SLC39A11: variants seen among roughly 807,000 people sequenced by gnomAD.
SLC39A11 encodes the protein zinc transporter ZIP11.
SLC39A11 carries 33 observed loss-of-function variants against 36.1 expected under a neutral mutation model. That is an observed-to-expected ratio of 0.91 (90% CI 0.69 to 1.22). The LOEUF (loss-of-function observed/expected upper bound fraction) is 1.22, where lower values mean the gene tolerates loss of function less well. SLC39A11 is among the 50% of genes most tolerant of loss of function. The probability of loss-of-function intolerance (pLI) is 0.00; values close to 1 mark genes in which losing one functional copy is unlikely to be tolerated. For synonymous variants in SLC39A11, 166 were observed against 170.3 expected, an observed-to-expected ratio of 0.97 and a Z score of 0.20; for missense variants, 432 against 430.3, an observed-to-expected ratio of 1.00 and a Z score of -0.03.
chr17:72,958,829 C>T (rs139785155), intron 4 of SLC39A11, among the ~76,000 whole-genome samples: 151 of 145,768 alleles, frequency 1.0e-3, no homozygotes, highest in African/African-American at 3.1e-3. Flanking sequence ...CCAGCCTGGG[C>T]GACAGAGCGA....
chr17:73,066,344 C>T (rs1184024126), intron 3 of SLC39A11, among the ~76,000 whole-genome samples: 1 of 152,182 alleles, frequency 6.6e-6, no homozygotes, highest in Non-Finnish European at 1.5e-5. Context: ...GCAGAAGAAG[C>T]ACCCAGCTGA....
chr17:72,786,102 T>G (rs1361509930), intron 6 of SLC39A11, among the ~76,000 whole-genome samples: 2 of 152,184 alleles, frequency 1.3e-5, no homozygotes, highest in Non-Finnish European at 2.9e-5. Context: ...GTAGCAAGCA[T>G]ATGCTAAGGC....
In SLC39A11 at chr17:72,898,218, G is replaced by A. The variant is rs191059304; in HGVS notation, c.431-48414C>T. Among the ~76,000 whole-genome samples the A allele has an allele frequency of 3.8e-3, 572 of 152,256 alleles. 16 individuals are homozygous for A. Among genetic ancestry groups the A allele is most frequent in the Non-Finnish European group, 9.8e-4 (67 of 68,028 alleles). Reference sequence around the variant, plus strand: ...AGATACCTGCGCACATAGACACGTGGAAGGAAATGCTTGTTTTTCAACTGG... The same window carrying A: ...AGATACCTGCGCACATAGACACGTGAAAGGAAATGCTTGTTTTTCAACTGG... On this transcript the variant is annotated intron_variant, in intron 5 of 9. Transcript: ENST00000255559.
chr17:72,874,520 C>T lies in SLC39A11; in HGVS notation c.431-24716G>A, dbSNP rs117326577. On this transcript the variant is annotated intron_variant, in intron 5 of 9. Coordinates refer to ENST00000255559, the MANE Select transcript of SLC39A11 (RefSeq NM_139177.4). ...GACACCAGGAGGGAGGGGAAAACCC[C>T]GCTGCTGGTAATTCAAGGTCCTATA... is the stretch of plus-strand genomic sequence containing the variant. 2.0e-4 allele frequency among the ~76,000 whole-genome samples: 30 copies of T among 152,282 alleles called. No individual in the cohort carries two copies. In the East Asian group the frequency reaches 3.1e-3, roughly 16 times the overall value.
At chr17:73,009,179 C>T (rs532301365) in intron 4 of SLC39A11, among the ~76,000 whole-genome samples, 102 of 151,418 alleles carry the variant, frequency 6.7e-4, no homozygotes, top group African/African-American at 1.5e-3. Flanking sequence ...CTGGCTAACA[C>T]GGTGAAACCC....
At chr17:72,921,230 C>T (rs1188105013) in intron 5 of SLC39A11, among the ~76,000 whole-genome samples, 1 of 152,182 alleles carries the variant, frequency 6.6e-6, no homozygotes, top group East Asian at 1.9e-4. Flanking sequence ...GACTATGCTT[C>T]ACGAGAACCT....
chr17:72,997,340 G>A (rs186861322), intron 4 of SLC39A11, among the ~76,000 whole-genome samples: 5 of 152,138 alleles, frequency 3.3e-5, no homozygotes, highest in South Asian at 2.1e-4. Flanking sequence ...TGCAACCTCC[G>A]CCTCCCAGGT....
At chr17:72,840,377 A>G (rs1315831086) in intron 6 of SLC39A11, among the ~76,000 whole-genome samples, 1 of 152,232 alleles carries the variant, frequency 6.6e-6, no homozygotes, top group Non-Finnish European at 1.5e-5. Context: ...AATAATTTCA[A>G]ACACAAAAGG....
In SLC39A11 at chr17:72,707,027, T is replaced by C. The variant is rs573311092; in HGVS notation, c.671+29623A>G. Among the ~76,000 whole-genome samples the C allele has an allele frequency of 5.3e-5, 8 of 152,308 alleles. No individual in the cohort carries two copies. The East Asian group carries it at 1.5e-3, about 29-fold the overall frequency. On this transcript the variant is annotated intron_variant, in intron 7 of 9. Coordinates refer to ENST00000255559, the MANE Select transcript of SLC39A11 (RefSeq NM_139177.4). ...GCACCTGAAATATGGTGAATCCAAA[T>C]TGAGATGTGCTGTAAATGTAAATAT... is the stretch of plus-strand genomic sequence containing the variant.
intron 5 of SLC39A11, among the ~76,000 whole-genome samples, chr17:72,865,281 A>C (rs2080241703): frequency 6.6e-6 from 1 of 152,102 alleles, no homozygotes; most frequent in Non-Finnish European, 1.5e-5. Flanking sequence ...AAATTTTACA[A>C]ATGCAAGATT....
At chr17:72,857,316 AT>A (rs982684800) in intron 5 of SLC39A11, among the ~76,000 whole-genome samples, 3 of 151,724 alleles carry the variant, frequency 2.0e-5, no homozygotes, top group Admixed American at 1.3e-4. Context: ...ACATGATCTC[AT>A]TTTTTTTATG....
At chr17:72,900,201 GAAAGAAAGAAAGAAAGAAAGAAAGA>G (rs1567913013) in intron 5 of SLC39A11, among the ~76,000 whole-genome samples, 1 of 144,490 alleles carries the variant, frequency 6.9e-6, no homozygotes, top group Non-Finnish European at 1.5e-5. Flanking sequence ...AAGAAAGAAA[GAAAGAAAGAAAGAAAGAAAGAAAGA>G]AAGAAAAAGA....
intron 5 of SLC39A11, among the ~76,000 whole-genome samples, chr17:72,887,789 GA>G (rs11077646): frequency 0.5 from 76,035 of 150,786 alleles, 20,449 homozygotes; most frequent in East Asian, 0.72. Context: ...ATTTAGAAAC[GA>G]AAAAAAAAAT....
At chr17:72,726,612 A>G (rs1446741051) in intron 7 of SLC39A11, among the ~76,000 whole-genome samples, 1 of 152,196 alleles carries the variant, frequency 6.6e-6, no homozygotes, top group Admixed American at 6.5e-5. Context: ...ACATACAGAC[A>G]TGCTCATCTA....
At chr17:72,811,704 A>C (rs1201872107) in intron 6 of SLC39A11, among the ~76,000 whole-genome samples, 1 of 152,208 alleles carries the variant, frequency 6.6e-6, no homozygotes, top group Admixed American at 6.5e-5. Flanking sequence ...CAAATTCTAA[A>C]ATTCTTTGTC....
intron 7 of SLC39A11, among the ~76,000 whole-genome samples, chr17:72,703,758 G>A (rs2072759792): frequency 6.6e-6 from 1 of 152,240 alleles, no homozygotes; most frequent in South Asian, 2.1e-4. Context: ...TTCTATCTCA[G>A]TGTCTCTTTG....
intron 4 of SLC39A11, among the ~76,000 whole-genome samples, chr17:72,994,922 G>A (rs1019080188): frequency 1.3e-5 from 2 of 152,328 alleles, no homozygotes; most frequent in African/African-American, 4.8e-5. Flanking sequence ...ACAAAGCATG[G>A]TGCTAGTTTC....
chr17:72,788,136 C>T (rs1388654271), intron 6 of SLC39A11, among the ~76,000 whole-genome samples: 1 of 152,148 alleles, frequency 6.6e-6, no homozygotes, highest in Non-Finnish European at 1.5e-5. Context: ...GTCAGGTAGC[C>T]TCTAATTTCA....
chr17:73,034,606 T>G (rs147972011), intron 3 of SLC39A11, among the ~76,000 whole-genome samples: 12 of 152,134 alleles, frequency 7.9e-5, no homozygotes, highest in African/African-American at 2.4e-4. Context: ...TAAAACCACA[T>G]GGCCCAAGTA....
Sources: allele counts gnomAD v4.1 joint callset (sites outside exome capture counted in the v4.1 genomes callset), GRCh38; gene constraint gnomAD v4.1.1; transcripts MANE v1.5; gene names NCBI Gene and HGNC (gene_info 2026-07-23, HGNC 2026-07-21).